The following MACROD2 variants were observed in gnomAD, a reference collection of about 807,000 sequenced individuals.
The protein encoded by MACROD2 is ADP-ribose glycohydrolase MACROD2.
A neutral mutation model predicts 70.4 loss-of-function variants in MACROD2; 36 were observed. The observed-to-expected ratio is 0.51, with a 90% CI of 0.39 to 0.68. The LOEUF (loss-of-function observed/expected upper bound fraction) is 0.68, where lower values mean the gene tolerates loss of function less well. Ranked by LOEUF, MACROD2 falls within the 30% of genes least tolerant of loss-of-function variation. The pLI is 0.00. For missense variants in MACROD2, 496 were observed against 538.4 expected (o/e 0.92, Z 0.78); for synonymous variants, 172 against 178.8 (o/e 0.96, Z 0.30).
chr20:16,013,238 G>C (rs975389122), intron 15 of MACROD2, among the ~76,000 whole-genome samples: 1 of 152,006 alleles, frequency 6.6e-6, no homozygotes, highest in Non-Finnish European at 1.5e-5. Flanking sequence ...AGAAGAGGGT[G>C]GCATAAGTAA....
chr20:15,217,472 G>A (rs1426449622), intron 5 of MACROD2, among the ~76,000 whole-genome samples: 2 of 152,152 alleles, frequency 1.3e-5, no homozygotes, highest in Non-Finnish European at 1.5e-5. Context: ...GGGTTATGGA[G>A]ACTTGTTTTT....
At chr20:14,057,887 T>G (rs1266857093) in intron 2 of MACROD2, among the ~76,000 whole-genome samples, 2 of 152,162 alleles carry the variant, frequency 1.3e-5, no homozygotes, top group African/African-American at 4.8e-5. Context: ...AAAGATAAAT[T>G]ACATGAACCG....
intron 5 of MACROD2, among the ~76,000 whole-genome samples, chr20:14,723,229 C>T (rs1048832605): frequency 2.0e-5 from 3 of 152,132 alleles, no homozygotes; most frequent in Non-Finnish European, 2.9e-5. Context: ...TGCTTTGGCA[C>T]GCGTTAGCTG....
At chr20:15,533,761 G>A (rs1029339408) in intron 8 of MACROD2, among the ~76,000 whole-genome samples, 1 of 152,190 alleles carries the variant, frequency 6.6e-6, no homozygotes, top group Non-Finnish European at 1.5e-5. Flanking sequence ...AAGTGATAGT[G>A]TGGTCCTGGG....
chr20:15,384,182 C>G (rs2193281), intron 6 of MACROD2, among the ~76,000 whole-genome samples: 11 of 152,134 alleles, frequency 7.2e-5, no homozygotes, highest in Non-Finnish European at 1.3e-4. Flanking sequence ...TAGTGCATAG[C>G]CTTCAGGTAA....
At chr20:14,771,676 T>C (rs544217253) in intron 5 of MACROD2, among the ~76,000 whole-genome samples, 3,661 of 135,296 alleles carry the variant, frequency 0.027, 160 homozygotes, top group African/African-American at 0.095. Flanking sequence ...CACACATATA[T>C]ATATATATTT....
intron 4 of MACROD2, among the ~76,000 whole-genome samples, chr20:14,625,329 A>G (rs1347617289): frequency 6.6e-6 from 1 of 152,080 alleles, no homozygotes; most frequent in African/African-American, 2.4e-5. Flanking sequence ...CTCAGTCTCA[A>G]AAAAAAGAAG....
intron 8 of MACROD2, among the ~76,000 whole-genome samples, chr20:15,545,936 G>T (rs574371638): frequency 6.6e-6 from 1 of 152,132 alleles, no homozygotes; most frequent in Non-Finnish European, 1.5e-5. Flanking sequence ...CTTTGACCAC[G>T]CGTATTTGAA....
intron 3 of MACROD2, among the ~76,000 whole-genome samples, chr20:14,291,530 A>G (rs1269357845): frequency 6.6e-6 from 1 of 151,904 alleles, no homozygotes; most frequent in Non-Finnish European, 1.5e-5. Context: ...GTGGTGAATG[A>G]GAGTGATATG....
At chr20:14,755,631 T>C (rs557546753) in intron 5 of MACROD2, among the ~76,000 whole-genome samples, 1 of 152,194 alleles carries the variant, frequency 6.6e-6, no homozygotes, top group Admixed American at 6.5e-5. Context: ...TAGTAGAAGG[T>C]GTGTCAAATG....
At chr20:14,994,768 A>G (rs1040531428) in intron 5 of MACROD2, among the ~76,000 whole-genome samples, 1 of 152,200 alleles carries the variant, frequency 6.6e-6, no homozygotes, top group African/African-American at 2.4e-5. Flanking sequence ...TTATTTTTCT[A>G]CTAGTGTAGA....
intron 2 of MACROD2, among the ~76,000 whole-genome samples, chr20:14,021,233 C>T (rs1394622571): frequency 2.0e-5 from 3 of 152,194 alleles, no homozygotes; most frequent in African/African-American, 7.2e-5. Flanking sequence ...TCGTGATCCG[C>T]CTACCTTCGC....
chr20:15,004,122 A>G (rs2075017391), intron 5 of MACROD2, among the ~76,000 whole-genome samples: 1 of 152,158 alleles, frequency 6.6e-6, no homozygotes, highest in Non-Finnish European at 1.5e-5. Flanking sequence ...TTGGACAAGA[A>G]TGGTTTGAGT....
At chr20:14,217,433 A>G (rs1388387971) in intron 3 of MACROD2, among the ~76,000 whole-genome samples, 2 of 152,112 alleles carry the variant, frequency 1.3e-5, no homozygotes, top group African/African-American at 4.8e-5. Context: ...GGATTTTAGC[A>G]TCTAAGTTCA....
chr20:15,216,771 G>A (rs1376998885), intron 5 of MACROD2, among the ~76,000 whole-genome samples: 1 of 152,084 alleles, frequency 6.6e-6, no homozygotes, highest in Admixed American at 6.6e-5. Context: ...GAGAGTAAGC[G>A]CTTTTCTCAG....
chr20:16,008,264 G>A (rs891522083), intron 15 of MACROD2, among the ~76,000 whole-genome samples: 1 of 152,072 alleles, frequency 6.6e-6, no homozygotes, highest in Admixed American at 6.5e-5. Flanking sequence ...TATTCCAAAC[G>A]TCTCTCACGT....
chr20:14,539,702 A>G (rs2085407417), intron 4 of MACROD2, among the ~76,000 whole-genome samples: 1 of 152,218 alleles, frequency 6.6e-6, no homozygotes, highest in Admixed American at 6.5e-5. Context: ...TAAATCCTCT[A>G]TTTTTGATAA....
chr20:15,815,983 A>T (rs2063869765), intron 8 of MACROD2, among the ~76,000 whole-genome samples: 1 of 152,060 alleles, frequency 6.6e-6, no homozygotes, highest in Non-Finnish European at 1.5e-5. Context: ...TCATCAGAAA[A>T]GCTATCTTTC....
chr20:14,489,910 G>A (rs2084776051), intron 3 of MACROD2, among the ~76,000 whole-genome samples: 1 of 150,670 alleles, frequency 6.6e-6, no homozygotes, highest in African/African-American at 2.4e-5. Context: ...GTCCAGGCTG[G>A]AGTGCAGTGG....
Sources: allele counts gnomAD v4.1 joint callset (sites outside exome capture counted in the v4.1 genomes callset), GRCh38; gene constraint gnomAD v4.1.1; transcripts MANE v1.5; gene names NCBI Gene and HGNC (gene_info 2026-07-23, HGNC 2026-07-21).